The following CBR4 variants were observed in gnomAD, a reference collection of about 807,000 sequenced individuals.
CBR4 encodes 3-oxoacyl-[acyl-carrier-protein] reductase.
In CBR4, 22 loss-of-function variants were observed where a neutral mutation model predicts 21.0. That is an observed-to-expected ratio of 1.05 (90% CI 0.75 to 1.50). The LOEUF is 1.50. Among genes scored for constraint, CBR4 ranks in the 40% most tolerant of loss-of-function variants. CBR4 has a pLI of 0.00. For missense variants in CBR4, 302 were observed against 286.3 expected, an observed-to-expected ratio of 1.05 and a Z score of -0.40; for synonymous variants, 100 against 104.4, an observed-to-expected ratio of 0.96 and a Z score of 0.26.
Position 169,002,212 on chromosome 4 carries a change from C to CAAAAAAAAAAAAAAAAAAAAAA in CBR4, c.401-29_401-8dup, listed in dbSNP as rs60552620. On this transcript the variant is annotated splice_region_variant and splice_polypyrimidine_tract_variant and intron_variant, in intron 3 of 4. Transcript: ENST00000306193. ...TTTAAGCCAACAATGCTTCCTAGGACAAAAAAAAAAAAAAAAAAAAAAAAA... is the reference window on the plus strand; with the variant it reads ...TTTAAGCCAACAATGCTTCCTAGGACAAAAAAAAAAAAAAAAAAAAAAAAAAAAAAAAAAAAAAAAAAAAAAA... 1.4e-6 allele frequency: 1 copy of CAAAAAAAAAAAAAAAAAAAAAA among 737,108 alleles called. No individual in the cohort carries two copies. The highest frequency in any genetic ancestry group is 1.7e-6 in the Non-Finnish European group (1 of 597,886). The allele number at this position is 737,108 out of a possible 1,614,324, so 45.7% of individuals were successfully genotyped here. A position where few individuals can be genotyped will look rare whatever the true frequency, so the allele number is the denominator to read the frequency against.
At chr4:168,970,043 T>G (rs892684979) in intron 2 of CBR4, among the ~76,000 whole-genome samples, 7 of 152,220 alleles carry the variant, frequency 4.6e-5, no homozygotes, top group African/African-American at 1.7e-4. Context: ...GTGTTTCCTC[T>G]TCTATGAAAC....
intron 2 of CBR4, among the ~76,000 whole-genome samples, chr4:168,931,221 A>T (rs1438628667): frequency 6.6e-6 from 1 of 152,216 alleles, no homozygotes; most frequent in East Asian, 1.9e-4. Context: ...TAAGCACCTG[A>T]CATGCCCTCA....
rs1446353382 is a variant in CBR4, at chr4:168,988,823, C to G, written c.*1327G>C. On this transcript the variant is annotated 3_prime_UTR_variant, in exon 5 of 5. Transcript: ENST00000306193. ...ATTTTTATTTAGAACACTGCTTTGA[C>G]TTTTGTTATTACTTTGTATTTATTA... 2.1e-6 allele frequency: 2 copies of G among 952,960 alleles called. No individual in the cohort carries two copies. The highest frequency in any genetic ancestry group is 1.8e-5 in the African/African-American group (1 of 56,518). 59.0% of individuals were successfully genotyped at this position (952,960 alleles called of 1,614,324 possible).
chr4:168,982,516 C>A (rs1764574533), intron 2 of CBR4, among the ~76,000 whole-genome samples: 1 of 152,138 alleles, frequency 6.6e-6, no homozygotes, highest in South Asian at 2.1e-4. Flanking sequence ...ATCACTGAGG[C>A]AGAATACTAA....
intron 2 of CBR4, among the ~76,000 whole-genome samples, chr4:168,959,874 TAAAAA>T (rs70961565): frequency 7.0e-6 from 1 of 143,686 alleles, no homozygotes; most frequent in Non-Finnish European, 1.5e-5. Flanking sequence ...CAATTTCTAT[TAAAAA>T]AAAAAAAAAA....
intron 2 of CBR4, among the ~76,000 whole-genome samples, chr4:168,936,324 G>A (rs1169454435): frequency 6.6e-6 from 1 of 152,174 alleles, no homozygotes; most frequent in Non-Finnish European, 1.5e-5. Flanking sequence ...CGAAGATGGG[G>A]AGAAACCAAT....
At chr4:168,898,246 A>C (rs1301158799) in intron 2 of CBR4, 2 of 534,696 alleles carry the variant, frequency 3.7e-6, no homozygotes, top group Non-Finnish European at 6.7e-6. Context: ...AAAAGAAGGA[A>C]AAAAAAATTC....
chr4:168,950,905 T>C (rs544713746), intron 2 of CBR4, among the ~76,000 whole-genome samples: 1 of 152,206 alleles, frequency 6.6e-6, no homozygotes, highest in Non-Finnish European at 1.5e-5. Flanking sequence ...TAAGAATAGC[T>C]ACCCCTGCTC....
chr4:168,923,736 C>T (rs1487088196), intron 2 of CBR4, among the ~76,000 whole-genome samples: 2 of 152,088 alleles, frequency 1.3e-5, no homozygotes, highest in Admixed American at 6.5e-5. Flanking sequence ...ATAAAGATGC[C>T]TCCCCTTTAA....
intron 2 of CBR4, chr4:168,924,185 A>G: frequency 7.2e-7 from 1 of 1,387,872 alleles, no homozygotes; most frequent in South Asian, 1.2e-5. Flanking sequence ...ATATTCCAAA[A>G]GCCTTCTGAA....
At chr4:168,979,769 G>A (rs181987746) in intron 2 of CBR4, among the ~76,000 whole-genome samples, 18 of 152,170 alleles carry the variant, frequency 1.2e-4, no homozygotes, top group Admixed American at 7.8e-4. Flanking sequence ...ATTCCCATTC[G>A]CAGTGGCTCT....
At chr4:168,927,486 T>C (rs1429275441) in intron 2 of CBR4, 1 of 232,474 alleles carries the variant, frequency 4.3e-6, no homozygotes, top group African/African-American at 2.2e-5. Context: ...AAGTTGAAAA[T>C]GGATTGAGAC....
At chr4:168,994,182 T>C (rs995900252) in intron 4 of CBR4, among the ~76,000 whole-genome samples, 4 of 152,212 alleles carry the variant, frequency 2.6e-5, no homozygotes, top group African/African-American at 7.2e-5. Flanking sequence ...CTAAAAGTAT[T>C]CCTTACGGGA....
chr4:168,998,040 T>G (rs1560987696), intron 4 of CBR4, among the ~76,000 whole-genome samples: 1 of 152,180 alleles, frequency 6.6e-6, no homozygotes, highest in Non-Finnish European at 1.5e-5. Context: ...TAGAATATCT[T>G]CTCTGAGTAG....
downstream of CBR4, among the ~76,000 whole-genome samples, chr4:168,985,660 G>A (rs545396375): frequency 2.6e-5 from 4 of 152,176 alleles, no homozygotes; most frequent in Admixed American, 2.6e-4. Flanking sequence ...ACTGGATAAA[G>A]AAAATGTGGT....
intron 2 of CBR4, among the ~76,000 whole-genome samples, chr4:168,938,825 G>C (rs1234877235): frequency 2.6e-5 from 4 of 152,094 alleles, no homozygotes; most frequent in African/African-American, 9.7e-5. Context: ...ACCAAAAAAA[G>C]TCCAGGACTA....
intron 2 of CBR4, among the ~76,000 whole-genome samples, chr4:168,940,087 CAG>C (rs1235910595): frequency 6.6e-6 from 1 of 152,120 alleles, no homozygotes; most frequent in African/African-American, 2.4e-5. Flanking sequence ...GGTACCAAAA[CAG>C]ATATATAGAC....
In CBR4 at chr4:168,926,291, A is replaced by G; in HGVS notation, n.170-31526T>C. ...GCCAGTCGCTATGCAGCACTTTCGG[A>G]CCAGGGACTAGACATCAAAGCAGCG... On this transcript the variant is annotated intron_variant and non_coding_transcript_variant, in intron 2 of 3. Transcript: ENST00000509108. The G allele has an allele frequency of 6.5e-7, 1 of 1,537,238 alleles. No homozygotes were observed. The highest frequency in any genetic ancestry group is 8.7e-7 in the Non-Finnish European group (1 of 1,146,834).
chr4:168,977,191 CCTAT>C (rs1387834796), intron 2 of CBR4, among the ~76,000 whole-genome samples: 3 of 151,906 alleles, frequency 2.0e-5, no homozygotes, highest in African/African-American at 7.3e-5. Context: ...AGTCCTGTCT[CCTAT>C]CTGCCATCTT....
Sources: allele counts gnomAD v4.1 joint callset (sites outside exome capture counted in the v4.1 genomes callset), GRCh38; gene constraint gnomAD v4.1.1; transcripts MANE v1.5; gene names NCBI Gene and HGNC (gene_info 2026-07-23, HGNC 2026-07-21).